Variants in ZNF366 observed in about 807,000 individuals in gnomAD.
ZNF366 encodes dendritic cell-specific transcript protein.
ZNF366 carries 20 observed loss-of-function variants against 47.2 expected under a neutral mutation model. The observed-to-expected ratio is 0.42, with a 90% CI of 0.30 to 0.62. The LOEUF (loss-of-function observed/expected upper bound fraction) is 0.62. Ranked by LOEUF, ZNF366 falls within the 20% of genes least tolerant of loss-of-function variation. The pLI is 0.16. For missense variants in ZNF366, 987 were observed against 976.3 expected (o/e 1.01, Z -0.15); for synonymous variants, 421 against 395.1 (o/e 1.07, Z -0.78).
chr5:72,470,286 C>T (rs200807685), intron 1 of ZNF366, among the ~76,000 whole-genome samples: 1 of 152,192 alleles, frequency 6.6e-6, no homozygotes, highest in East Asian at 1.9e-4. Flanking sequence ...CCAGATGCTG[C>T]TCTCCCATGC....
rs150723890 is a variant in ZNF366 at position 72,486,966 on chromosome 5, G to A, written c.-15+20285C>T. Among the ~76,000 whole-genome samples, 862 of 152,090 alleles carry A rather than the reference G, an allele frequency of 5.7e-3. 9 individuals are homozygous for A. Among genetic ancestry groups the A allele is most frequent in the African/African-American group, 0.019 (780 of 41,486 alleles). On this transcript the variant is annotated intron_variant, in intron 1 of 4. Coordinates refer to ENST00000318442, the MANE Select transcript of ZNF366 (RefSeq NM_152625.3). ...CTGCTTTTTGTATTTTAGTAGAGAC[G>A]GGGTTTCACCATGTTGGCCAGACTG... is the stretch of plus-strand genomic sequence containing the variant.
In ZNF366 at chr5:72,461,102, C is replaced by T; in HGVS notation, c.395G>A (p.Cys132Tyr). 6.2e-7 allele frequency: 1 copy of T among 1,614,096 alleles called. No individual in the cohort carries two copies. The highest frequency in any genetic ancestry group is 8.5e-7 in the Non-Finnish European group (1 of 1,180,028). ...PKYDSQMIDL[C>Y]NVGFQFYRSL... ...GCGGTAGAATTGGAAGCCCACGTTG[C>T]ACAGGTCGATCATCTGAGAGTCATA... The change falls in exon 2 of 5, where the codon TGC becomes TAC. Residue 132 changes from cysteine (C) to tyrosine (Y), a missense_variant. Around this residue, in one of 3 missense-constraint regions of ZNF366, gnomAD observed 591 missense variants for 560.9 expected, o/e 1.05. Coordinates refer to ENST00000318442, the MANE Select transcript of ZNF366 (RefSeq NM_152625.3).
At chr5:72,484,485 A>AC (rs1204397902) in intron 1 of ZNF366, among the ~76,000 whole-genome samples, 8 of 145,144 alleles carry the variant, frequency 5.5e-5, no homozygotes, top group African/African-American at 1.5e-4. Context: ...CTCCGTCTCA[A>AC]AAAAAAAAAA....
At chr5:72,492,610 A>G (rs1744035291) in intron 1 of ZNF366, among the ~76,000 whole-genome samples, 1 of 152,232 alleles carries the variant, frequency 6.6e-6, no homozygotes, top group Non-Finnish European at 1.5e-5. Flanking sequence ...AGCAAAAGCA[A>G]AAACAACTGT....
intron 1 of ZNF366, among the ~76,000 whole-genome samples, chr5:72,487,291 G>A (rs1015250518): frequency 1.1e-4 from 16 of 152,332 alleles, no homozygotes; most frequent in African/African-American, 3.1e-4. Context: ...GCTGAGCAGT[G>A]CTTGAGCTCG....
chr5:72,443,950 C>T lies in ZNF366; in HGVS notation c.2041G>A (p.Gly681Ser), dbSNP rs762083460. 5 of 1,614,180 alleles carry T rather than the reference C, an allele frequency of 3.1e-6. No individual in the cohort carries two copies. The African/African-American group carries it at 5.3e-5, about 17-fold the overall frequency. Residue 681 changes from glycine to serine, a missense_variant, in exon 5 of 5, where the codon GGT becomes AGT. Gly to Ser is a moderately conservative substitution (Grantham distance 56). Around this residue, in one of 3 missense-constraint regions of ZNF366, gnomAD observed 285 missense variants for 234.8 expected, o/e 1.21. Transcript: ENST00000318442. ...TGGCCGCCCTCTGCCCCAAGGTCAC[C>T]CTTGCTCCTCTTCTCCCATTCTCCC... Reference protein sequence around the residue: ...SKGEWEKRSKGDLGAEGGQER... With the variant: ...SKGEWEKRSKSDLGAEGGQER...
At chr5:72,485,377 C>T (rs949887786) in intron 1 of ZNF366, among the ~76,000 whole-genome samples, 1 of 152,218 alleles carries the variant, frequency 6.6e-6, no homozygotes, top group Admixed American at 6.5e-5. Flanking sequence ...ATCCTGCCTG[C>T]TCTAGCTGTG....
chr5:72,483,625 G>A (rs1743831248), intron 1 of ZNF366, among the ~76,000 whole-genome samples: 2 of 152,234 alleles, frequency 1.3e-5, no homozygotes, highest in Admixed American at 1.3e-4. Context: ...GGACACCTGT[G>A]TGGCTCTGGC....
chr5:72,481,925 C>T (rs774671876), intron 1 of ZNF366, among the ~76,000 whole-genome samples: 2 of 152,080 alleles, frequency 1.3e-5, no homozygotes, highest in East Asian at 3.9e-4. Flanking sequence ...CTGATATCCT[C>T]TAGTTCAGGT....
At chr5:72,488,849 GCCAGCT>G (rs1404322489) in intron 1 of ZNF366, among the ~76,000 whole-genome samples, 2 of 152,220 alleles carry the variant, frequency 1.3e-5, no homozygotes, top group Non-Finnish European at 2.9e-5. Context: ...GGCCTTGAAA[GCCAGCT>G]CCATCACTTC....
chr5:72,469,069 A>T (rs2112335208), intron 1 of ZNF366, among the ~76,000 whole-genome samples: 1 of 152,352 alleles, frequency 6.6e-6, no homozygotes, highest in South Asian at 2.1e-4. Context: ...ACCTCTGGAA[A>T]TGACAGCATA....
intron 1 of ZNF366, among the ~76,000 whole-genome samples, chr5:72,499,727 A>T (rs1469877259): frequency 6.6e-6 from 1 of 152,196 alleles, no homozygotes; most frequent in African/African-American, 2.4e-5. Flanking sequence ...CTAGAAAAAC[A>T]GCAAGAAACA....
At chr5:72,488,426 C>T (rs1329666967) in intron 1 of ZNF366, among the ~76,000 whole-genome samples, 1 of 152,076 alleles carries the variant, frequency 6.6e-6, no homozygotes, top group South Asian at 2.1e-4. Flanking sequence ...TTATGAACAT[C>T]CAACAGGCAG....
rs549893324 is a variant in ZNF366, at chr5:72,440,552, T to C, written c.*3204A>G. On this transcript the variant is annotated 3_prime_UTR_variant, in exon 5 of 5. Transcript: ENST00000318442. ...AATCTTGGAAGGCTTCATCCCTTAG[T>C]TCTCTGAGATGGCCCACATGGACTC... The C allele has an allele frequency of 6.6e-6, 1 of 152,334 alleles. No individual in the cohort carries two copies. Among genetic ancestry groups the C allele is most frequent in the East Asian group, 1.9e-4 (1 of 5,190 alleles). The allele number at this position is 152,334 out of a possible 1,614,324, so 9.4% of individuals were successfully genotyped here. A position where few individuals can be genotyped will look rare whatever the true frequency, so the allele number is the denominator to read the frequency against.
intron 4 of ZNF366, among the ~76,000 whole-genome samples, chr5:72,444,654 A>G (rs954227467): frequency 6.6e-6 from 1 of 152,178 alleles, no homozygotes; most frequent in Non-Finnish European, 1.5e-5. Context: ...TTTGTATTTA[A>G]TAATAGGAGT....
chr5:72,483,665 G>A (rs554895771), intron 1 of ZNF366, among the ~76,000 whole-genome samples: 2 of 152,280 alleles, frequency 1.3e-5, no homozygotes, highest in South Asian at 4.2e-4. Flanking sequence ...TGAATCACAG[G>A]GGAGACAGCC....
chr5:72,469,846 G>A (rs574575726), intron 1 of ZNF366, among the ~76,000 whole-genome samples: 2 of 152,256 alleles, frequency 1.3e-5, no homozygotes, highest in South Asian at 4.2e-4. Context: ...AGGAGTTTGA[G>A]ATCACTGTCT....
chr5:72,470,594 A>T (rs1743541526), intron 1 of ZNF366, among the ~76,000 whole-genome samples: 1 of 152,168 alleles, frequency 6.6e-6, no homozygotes, highest in Admixed American at 6.5e-5. Context: ...GAAAGTCAGA[A>T]ACTTGCCTGG....
intron 1 of ZNF366, among the ~76,000 whole-genome samples, chr5:72,467,125 G>T (rs958815798): frequency 2.0e-5 from 3 of 152,212 alleles, no homozygotes; most frequent in Admixed American, 1.3e-4. Context: ...TAATAAGAGG[G>T]AGAAGACTTT....
Sources: gnomAD v4.1 joint callset for allele counts (sites outside exome capture counted in the v4.1 genomes callset) on GRCh38, gnomAD v4.1.1 for gene constraint, gnomAD v4.1.1 regional missense constraint, MANE v1.5 for transcripts, NCBI Gene and HGNC (gene_info 2026-07-23, HGNC 2026-07-21) for gene names.